Variants in RYR3 observed in about 807,000 individuals in gnomAD.
RYR3 encodes the protein ryanodine receptor 3, also known as brain ryanodine receptor-calcium release channel.
In RYR3, 207 loss-of-function variants were observed where a neutral mutation model predicts 584.3. The ratio of observed to expected loss-of-function variants is 0.35; its 90% CI spans 0.32 to 0.40. The LOEUF is 0.40. Ranked by LOEUF, RYR3 falls within the 10% of genes least tolerant of loss-of-function variation. The probability of loss-of-function intolerance (pLI) is 1.00; values close to 1 mark genes in which losing one functional copy is unlikely to be tolerated. For missense variants in RYR3, 5,616 were observed against 6,089.2 expected, an observed-to-expected ratio of 0.92 and a Z score of 2.59; for synonymous variants, 2,416 against 2,248.5, an observed-to-expected ratio of 1.07 and a Z score of -2.11.
intron 46 of RYR3, among the ~76,000 whole-genome samples, chr15:33,727,978 A>G (rs1482325587): frequency 6.6e-6 from 1 of 152,204 alleles, no homozygotes; most frequent in Non-Finnish European, 1.5e-5. Context: ...GAATTCTTGG[A>G]TGACCTGATT....
At chr15:33,764,230 T>C (rs2072793541) in intron 60 of RYR3, among the ~76,000 whole-genome samples, 1 of 152,126 alleles carries the variant, frequency 6.6e-6, no homozygotes, top group African/African-American at 2.4e-5. Flanking sequence ...ATATATACCA[T>C]GGAATCCTAT....
chr15:33,465,568 A>G (rs1305807246), intron 1 of RYR3, among the ~76,000 whole-genome samples: 4 of 152,180 alleles, frequency 2.6e-5, no homozygotes, highest in Non-Finnish European at 4.4e-5. Context: ...GGCCATAGTA[A>G]GATAAGAATT....
chr15:33,650,958 A>G (rs540802135), intron 31 of RYR3, among the ~76,000 whole-genome samples: 7 of 152,352 alleles, frequency 4.6e-5, no homozygotes, highest in Middle Eastern at 3.4e-3. Flanking sequence ...TTCTAAAGTA[A>G]TTGACCAATC....
At chr15:33,502,003 T>C (rs2052032184) in intron 2 of RYR3, among the ~76,000 whole-genome samples, 1 of 152,196 alleles carries the variant, frequency 6.6e-6, no homozygotes, top group Admixed American at 6.5e-5. Flanking sequence ...ATTGCCAGAA[T>C]TCTAAGACTA....
chr15:33,399,507 C>T (rs1031632859), intron 1 of RYR3, among the ~76,000 whole-genome samples: 8 of 151,884 alleles, frequency 5.3e-5, no homozygotes, highest in African/African-American at 1.5e-4. Flanking sequence ...GTGTGGTGGC[C>T]GGCGCCTGTA....
chr15:33,635,002 T>G (rs2061433691), intron 25 of RYR3, among the ~76,000 whole-genome samples: 1 of 152,216 alleles, frequency 6.6e-6, no homozygotes, highest in African/African-American at 2.4e-5. Context: ...AGCTGAGCTT[T>G]TCAGAATACC....
At chr15:33,655,198 C>A (rs964078701) in intron 32 of RYR3, among the ~76,000 whole-genome samples, 5 of 152,222 alleles carry the variant, frequency 3.3e-5, no homozygotes. Context: ...GGCTTTGAGG[C>A]AGAAAGTAAA....
rs1366615372 is a variant in RYR3, at chr15:33,543,727, G to C, written c.740+12G>C. On this transcript the variant is annotated intron_variant, in intron 8 of 103. Coordinates refer to ENST00000634891, the MANE Select transcript of RYR3 (RefSeq NM_001036.6). ...GATTCCCAGCACAGGTAAGTCAGTA[G>C]CTGCATTCTTCCACTAGCTGTTTCC... 4 of 1,530,942 alleles carry C rather than the reference G, an allele frequency of 2.6e-6. No homozygotes were observed. The African/African-American group carries it at 5.5e-5, about 21-fold the overall frequency. The allele number at this position is 1,530,942 out of a possible 1,614,324, so 94.8% of individuals were successfully genotyped here.
chr15:33,860,582 TTTAA>T lies in RYR3; in HGVS notation c.14300-12_14300-9del. 1 of 1,557,602 alleles carries T rather than the reference TTTAA, an allele frequency of 6.4e-7. No individual in the cohort carries two copies. The highest frequency in any genetic ancestry group is 8.7e-7 in the Non-Finnish European group (1 of 1,144,042). Reference sequence around the variant, plus strand: ...CTACACAGATTGCTTTGTCTTTGTATTTAACATTCCAGGTCTTATTATTGATGCT... The same window carrying T: ...CTACACAGATTGCTTTGTCTTTGTATCATTCCAGGTCTTATTATTGATGCT... On this transcript the variant is annotated splice_polypyrimidine_tract_variant and intron_variant, in intron 100 of 103. Transcript: ENST00000634891.
intron 66 of RYR3, among the ~76,000 whole-genome samples, chr15:33,787,460 T>C (rs899470502): frequency 6.6e-6 from 1 of 152,074 alleles, no homozygotes; most frequent in African/African-American, 2.4e-5. Flanking sequence ...TGAATGTAGA[T>C]TGTCAGTGGT....
chr15:33,608,398 G>A (rs75365881), intron 18 of RYR3, among the ~76,000 whole-genome samples: 1 of 152,118 alleles, frequency 6.6e-6, no homozygotes, highest in African/African-American at 2.4e-5. Flanking sequence ...CCCTCACAGG[G>A]GTGGAGATTA....
At chr15:33,467,789 G>A (rs2048604237) in intron 1 of RYR3, among the ~76,000 whole-genome samples, 1 of 152,104 alleles carries the variant, frequency 6.6e-6, no homozygotes, top group Non-Finnish European at 1.5e-5. Context: ...AGCAAGTTTT[G>A]GGCTGATGTT....
At chr15:33,348,298 A>G (rs987192155) in intron 1 of RYR3, among the ~76,000 whole-genome samples, 1 of 152,186 alleles carries the variant, frequency 6.6e-6, no homozygotes, top group Non-Finnish European at 1.5e-5. Flanking sequence ...CAGTGTTTAC[A>G]TGCAGTTCCT....
intron 15 of RYR3, among the ~76,000 whole-genome samples, chr15:33,585,459 AAAG>A: frequency 6.6e-6 from 1 of 152,282 alleles, no homozygotes; most frequent in East Asian, 1.9e-4. Flanking sequence ...GTGCCAAAAA[AAAG>A]GGGGAAAAGC....
rs1399232197 is a variant in RYR3, at chr15:33,821,619, G to A, written c.10995+17G>A. The A allele has an allele frequency of 6.2e-7, 1 of 1,612,648 alleles. No individual in the cohort carries two copies. Among genetic ancestry groups the A allele is most frequent in the Admixed American group, 1.7e-5 (1 of 60,032 alleles). ...GTGCAACAGGTAACGGGAACTTGCA[G>A]CGGCTGGGCAGGCTCCCGGGGTATT... is the stretch of plus-strand genomic sequence containing the variant. On this transcript the variant is annotated intron_variant, in intron 80 of 103. Transcript: ENST00000634891.
rs1233788308 is a variant in RYR3 at position 33,633,112 on chromosome 15, A to C, written c.3027+4A>C. The C allele has an allele frequency of 6.2e-7, 1 of 1,611,418 alleles. No homozygotes were observed. The highest frequency in any genetic ancestry group is 8.5e-7 in the Non-Finnish European group (1 of 1,178,332). ...ATGGACCTATGGCATCCAACAGGTA[A>C]GAAATTCTGGGTCAGGCATGCTGGA... is the stretch of plus-strand genomic sequence containing the variant. On this transcript the variant is annotated splice_donor_region_variant and intron_variant, in intron 24 of 103. Coordinates refer to ENST00000634891, the MANE Select transcript of RYR3 (RefSeq NM_001036.6).
rs759949044 is a variant in RYR3 at position 33,780,291 on chromosome 15, G to A, written c.9218G>A (p.Arg3073His). 27 of 1,613,694 alleles carry A rather than the reference G, an allele frequency of 1.7e-5. No homozygotes were observed. In the Admixed American group the frequency reaches 1.8e-4, roughly 11 times the overall value. Residue 3073 changes from arginine to histidine, a missense_variant, in exon 65 of 104, where the codon CGC becomes CAC. Arg to His is a conservative substitution (Grantham distance 29, BLOSUM62 0). This residue lies in a region of RYR3 where 954 missense variants were observed against 1,132.2 expected (regional missense o/e 0.84). Coordinates refer to ENST00000634891, the MANE Select transcript of RYR3 (RefSeq NM_001036.6). ...PVAFLEPTLNRYNPLSVFNTK... is the reference protein window; with the variant it reads ...PVAFLEPTLNHYNPLSVFNTK... ...GCATTCCTGGAGCCCACCCTTAATCGCTACAATCCACTCTCGGTCTTCAAC... is the reference window on the plus strand; with the variant it reads ...GCATTCCTGGAGCCCACCCTTAATCACTACAATCCACTCTCGGTCTTCAAC...
At chr15:33,489,872 T>C (rs2572168) in intron 2 of RYR3, among the ~76,000 whole-genome samples, 88,813 of 151,974 alleles carry the variant, frequency 0.58, 26,086 homozygotes, top group Middle Eastern at 0.67. Flanking sequence ...TGTTGTTTTT[T>C]AACTTTTTAA....
At chr15:33,576,564 A>G (rs1332330254) in intron 12 of RYR3, among the ~76,000 whole-genome samples, 1 of 152,244 alleles carries the variant, frequency 6.6e-6, no homozygotes, top group Admixed American at 6.5e-5. Flanking sequence ...ATAAAATTCA[A>G]CATTTCTTCA....
Sources: gnomAD v4.1 joint callset for allele counts (sites outside exome capture counted in the v4.1 genomes callset) on GRCh38, gnomAD v4.1.1 for gene constraint, gnomAD v4.1.1 regional missense constraint, MANE v1.5 for transcripts, NCBI Gene and HGNC (gene_info 2026-07-23, HGNC 2026-07-21) for gene names.